Variants in IGF1R observed in about 807,000 individuals in gnomAD.
IGF1R encodes the protein insulin like growth factor 1 receptor, also known as insulin-like growth factor 1 receptor.
A neutral mutation model predicts 144.6 loss-of-function variants in IGF1R; 44 were observed. That is an observed-to-expected ratio of 0.30 (90% CI 0.24 to 0.39). IGF1R has a LOEUF of 0.39. Ranked by LOEUF, IGF1R falls within the 10% of genes least tolerant of loss-of-function variation. The pLI is 1.00. For synonymous variants in IGF1R, 795 were observed against 722.8 expected (o/e 1.10, Z -1.60); for missense variants, 1,355 against 1,833.7 (o/e 0.74, Z 4.77).
At chr15:98,927,850 T>TGG (rs1278863224) in intron 13 of IGF1R, among the ~76,000 whole-genome samples, 1 of 152,232 alleles carries the variant, frequency 6.6e-6, no homozygotes, top group African/African-American at 2.4e-5. Flanking sequence ...CGATTAATGT[T>TGG]TACTTGATCC....
chr15:98,800,969 A>C (rs1377099377), intron 2 of IGF1R, among the ~76,000 whole-genome samples: 1 of 151,170 alleles, frequency 6.6e-6, no homozygotes, highest in African/African-American at 2.4e-5. Context: ...TTCCTTGTGC[A>C]ACTGTTGGTA....
At chr15:98,854,955 A>ATGTG (rs2141569467) in intron 2 of IGF1R, among the ~76,000 whole-genome samples, 1 of 148,024 alleles carries the variant, frequency 6.8e-6, no homozygotes, top group African/African-American at 2.5e-5. Flanking sequence ...CCCCCAACAC[A>ATGTG]TGTGGAGTAC....
rs1263722633 is a variant in IGF1R at position 98,962,048 on chromosome 15, A to G, written c.*4606A>G. 4.3e-6 allele frequency: 1 copy of G among 233,346 alleles called. No individual in the cohort carries two copies. The highest frequency in any genetic ancestry group is 6.0e-5 in the East Asian group (1 of 16,590). The allele number at this position is 233,346 out of a possible 1,614,324, so 14.5% of individuals were successfully genotyped here. A position where few individuals can be genotyped will look rare whatever the true frequency, so the allele number is the denominator to read the frequency against. On this transcript the variant is annotated 3_prime_UTR_variant, in exon 21 of 21. Transcript: ENST00000650285. ...ATTCTAGGCCAGTTTGTTCCACTGA[A>G]GCTTTTCCCACAGCAGTCCACCTCT...
intron 8 of IGF1R, among the ~76,000 whole-genome samples, chr15:98,914,272 A>G (rs577403527): frequency 9.5e-4 from 144 of 152,354 alleles, no homozygotes; most frequent in Middle Eastern, 3.4e-3. Flanking sequence ...GAGTTTTGGT[A>G]GGGGACACAG....
intron 2 of IGF1R, among the ~76,000 whole-genome samples, chr15:98,814,679 A>G (rs557001816): frequency 6.6e-6 from 1 of 152,340 alleles, no homozygotes; most frequent in Admixed American, 6.5e-5. Context: ...AAAAATGTAT[A>G]TGCTCTCAAG....
At chr15:98,755,388 G>A (rs1233685522) in intron 2 of IGF1R, among the ~76,000 whole-genome samples, 1 of 152,028 alleles carries the variant, frequency 6.6e-6, no homozygotes, top group Non-Finnish European at 1.5e-5. Context: ...TAATGAAACA[G>A]GATTACAGTA....
intron 2 of IGF1R, among the ~76,000 whole-genome samples, chr15:98,826,535 A>G (rs981990941): frequency 6.6e-6 from 1 of 152,250 alleles, no homozygotes; most frequent in African/African-American, 2.4e-5. Flanking sequence ...AGTGTATTAA[A>G]TATTCTAGAG....
At chr15:98,890,731 A>G (rs2013865781) in intron 2 of IGF1R, 1 of 160,432 alleles carries the variant, frequency 6.2e-6, no homozygotes. Context: ...CTTCTTTGTC[A>G]TCTAACAGCT....
chr15:98,923,702 G>A (rs771435141), intron 11 of IGF1R, 174 bp from the exon 12 acceptor site: 36 of 634,480 alleles, frequency 5.7e-5, no homozygotes, highest in Non-Finnish European at 8.6e-5. Flanking sequence ...GGCAGTGTAC[G>A]TGGCTGATCT....
rs187245392 is a variant in IGF1R, at chr15:98,748,612, A to G, written c.640+40505A>G. Among the ~76,000 whole-genome samples, 241 of 152,360 alleles carry G rather than the reference A, an allele frequency of 1.6e-3. No homozygotes were observed. The Middle Eastern group carries it at 0.024, about 15-fold the overall frequency. On this transcript the variant is annotated intron_variant, in intron 2 of 20. Transcript: ENST00000650285. ...CAGAATTGGAAAATTGGAAAACTGT[A>G]GGAAACTGGAAAATTAGAAAACTGT...
At chr15:98,690,549 A>G (rs894976880) in intron 1 of IGF1R, among the ~76,000 whole-genome samples, 1 of 152,254 alleles carries the variant, frequency 6.6e-6, no homozygotes, top group African/African-American at 2.4e-5. Context: ...TTTTTCATTT[A>G]TATAAATTTT....
chr15:98,809,881 C>T (rs2056548403), intron 2 of IGF1R, among the ~76,000 whole-genome samples: 1 of 152,044 alleles, frequency 6.6e-6, no homozygotes, highest in Admixed American at 6.5e-5. Flanking sequence ...AGAATGAAAG[C>T]CCACTCCCCG....
intron 1 of IGF1R, among the ~76,000 whole-genome samples, chr15:98,652,870 A>G (rs2052402983): frequency 6.6e-6 from 1 of 151,590 alleles, no homozygotes; most frequent in African/African-American, 2.4e-5. Context: ...TATACTTAAA[A>G]CCATTGGATT....
At chr15:98,736,224 A>G (rs528610199) in intron 2 of IGF1R, among the ~76,000 whole-genome samples, 2 of 152,356 alleles carry the variant, frequency 1.3e-5, no homozygotes, top group South Asian at 4.1e-4. Context: ...TGAAGTTACT[A>G]ATGTGAACTA....
intron 5 of IGF1R, among the ~76,000 whole-genome samples, chr15:98,903,618 TC>T (rs1159134743): frequency 6.6e-6 from 1 of 152,044 alleles, no homozygotes; most frequent in Admixed American, 6.6e-5. Flanking sequence ...CTCCCGGGAT[TC>T]CCCCGACCCC....
chr15:98,772,621 C>G (rs2055616145), intron 2 of IGF1R, among the ~76,000 whole-genome samples: 1 of 151,564 alleles, frequency 6.6e-6, no homozygotes, highest in South Asian at 2.1e-4. Context: ...CTCAGCCTCT[C>G]TAGCAGCTAG....
At chr15:98,810,575 C>T (rs566384647) in intron 2 of IGF1R, among the ~76,000 whole-genome samples, 25 of 141,724 alleles carry the variant, frequency 1.8e-4, no homozygotes, top group South Asian at 1.5e-3. Flanking sequence ...TTTTTTGAGA[C>T]GGAGTCTCTG....
chr15:98,664,187 C>T (rs1004197204), intron 1 of IGF1R, among the ~76,000 whole-genome samples: 4 of 152,168 alleles, frequency 2.6e-5, no homozygotes, highest in African/African-American at 9.7e-5. Flanking sequence ...AGTAGAGTTT[C>T]AGACGGTCTC....
chr15:98,844,488 T>G (rs2011240555), intron 2 of IGF1R, among the ~76,000 whole-genome samples: 1 of 152,162 alleles, frequency 6.6e-6, no homozygotes, highest in Non-Finnish European at 1.5e-5. Context: ...GCCATACAGC[T>G]AAATACACTT....
Sources: gnomAD v4.1 joint callset for allele counts (sites outside exome capture counted in the v4.1 genomes callset) on GRCh38, gnomAD v4.1.1 for gene constraint, MANE v1.5 for transcripts, NCBI Gene and HGNC (gene_info 2026-07-23, HGNC 2026-07-21) for gene names.